BCKDHB: variants seen among roughly 807,000 people sequenced by gnomAD.
BCKDHB encodes 2-oxoisovalerate dehydrogenase subunit beta, mitochondrial.
A neutral mutation model predicts 48.5 loss-of-function variants in BCKDHB; 41 were observed. The observed-to-expected ratio is 0.85, with a 90% CI of 0.66 to 1.10. BCKDHB has a LOEUF of 1.10. Ranked by LOEUF, BCKDHB falls within the 50% of genes least tolerant of loss-of-function variation. The pLI is 0.00. For missense variants in BCKDHB, 496 were observed against 494.2 expected (o/e 1.00, Z -0.03); for synonymous variants, 201 against 174.8 (o/e 1.15, Z -1.18).
the BCKDHB span, among the ~76,000 whole-genome samples, chr6:80,383,947 C>T: frequency 6.6e-6 from 1 of 152,082 alleles, no homozygotes; most frequent in Admixed American, 6.6e-5. Flanking sequence ...GATATTTTAT[C>T]TGCCAATACT....
the BCKDHB span, among the ~76,000 whole-genome samples, chr6:80,444,564 G>A: frequency 6.6e-6 from 1 of 152,044 alleles, no homozygotes; most frequent in Non-Finnish European, 1.5e-5. Flanking sequence ...TCTTATATTA[G>A]TCAAAAGCAC....
chr6:80,383,942 T>C, the BCKDHB span, among the ~76,000 whole-genome samples: 1 of 152,234 alleles, frequency 6.6e-6, no homozygotes, highest in South Asian at 2.1e-4. Flanking sequence ...AAAATGATAT[T>C]TTATCTGCCA....
intron 3 of BCKDHB, among the ~76,000 whole-genome samples, chr6:80,137,557 T>G (rs146892276): frequency 4.3e-4 from 66 of 152,234 alleles, no homozygotes; most frequent in African/African-American, 1.6e-3. Context: ...CAAATACCAT[T>G]TAAGAAAATA....
the BCKDHB span, among the ~76,000 whole-genome samples, chr6:80,421,823 C>T: frequency 2.6e-5 from 4 of 152,110 alleles, no homozygotes; most frequent in Admixed American, 2.6e-4. Context: ...TGGTCATATG[C>T]ATTCACAAAG....
intron 6 of BCKDHB, among the ~76,000 whole-genome samples, chr6:80,193,233 T>C (rs1273668889): frequency 1.3e-5 from 2 of 152,160 alleles, no homozygotes; most frequent in African/African-American, 4.8e-5. Flanking sequence ...TTAGACTGCA[T>C]TTGAGTTTAA....
the BCKDHB span, among the ~76,000 whole-genome samples, chr6:80,456,884 G>T: frequency 6.6e-6 from 1 of 152,314 alleles, no homozygotes; most frequent in Admixed American, 6.5e-5. Context: ...TACATCTTCC[G>T]TCTTGATCCT....
At chr6:80,428,866 A>G in the BCKDHB span, among the ~76,000 whole-genome samples, 1 of 152,102 alleles carries the variant, frequency 6.6e-6, no homozygotes, top group Non-Finnish European at 1.5e-5. Flanking sequence ...GCAGAAGCTC[A>G]TTAGTTCAAT....
At chr6:80,137,448 G>C (rs2127737179) in intron 3 of BCKDHB, among the ~76,000 whole-genome samples, 1 of 152,246 alleles carries the variant, frequency 6.6e-6, no homozygotes, top group Non-Finnish European at 1.5e-5. Flanking sequence ...GAGTGTGGTG[G>C]TACAATCATA....
At chr6:80,409,876 C>T in the BCKDHB span, among the ~76,000 whole-genome samples, 1 of 151,656 alleles carries the variant, frequency 6.6e-6, no homozygotes, top group Non-Finnish European at 1.5e-5. Flanking sequence ...ATTCTTTATC[C>T]AATTTGCCAG....
At chr6:80,244,488 C>T (rs1232131185) in intron 8 of BCKDHB, among the ~76,000 whole-genome samples, 2 of 152,024 alleles carry the variant, frequency 1.3e-5, no homozygotes, top group South Asian at 2.1e-4. Context: ...TTAAAATTAC[C>T]CTTAAAGTAA....
chr6:80,404,330 C>T, the BCKDHB span, among the ~76,000 whole-genome samples: 1 of 151,872 alleles, frequency 6.6e-6, no homozygotes, highest in Non-Finnish European at 1.5e-5. Flanking sequence ...TAAGAATGAT[C>T]CATCTCTTCT....
chr6:80,198,499 T>C (rs1774235437), intron 6 of BCKDHB, among the ~76,000 whole-genome samples: 1 of 152,322 alleles, frequency 6.6e-6, no homozygotes, highest in African/African-American at 2.4e-5. Context: ...TCACTGACAC[T>C]GATTATATAA....
chr6:80,192,900 C>T (rs1254771068), intron 6 of BCKDHB, among the ~76,000 whole-genome samples: 1 of 151,146 alleles, frequency 6.6e-6, no homozygotes, highest in Non-Finnish European at 1.5e-5. Flanking sequence ...CTCACTGCAA[C>T]CTCCATCTCC....
At chr6:80,423,067 G>A in the BCKDHB span, among the ~76,000 whole-genome samples, 6 of 152,134 alleles carry the variant, frequency 3.9e-5, no homozygotes, top group East Asian at 5.8e-4. Flanking sequence ...CCCACATGTC[G>A]AGGGAGAGAC....
At chr6:80,147,175 C>T (rs1389458116) in intron 3 of BCKDHB, among the ~76,000 whole-genome samples, 6 of 152,134 alleles carry the variant, frequency 3.9e-5, no homozygotes, top group Non-Finnish European at 7.4e-5. Flanking sequence ...TCTTATCCCA[C>T]TTTGCAGATA....
chr6:80,368,884 G>A, the BCKDHB span, among the ~76,000 whole-genome samples: 1 of 151,838 alleles, frequency 6.6e-6, no homozygotes, highest in Non-Finnish European at 1.5e-5. Context: ...GTGGTGGCTC[G>A]TGCCTGTAGT....
intron 8 of BCKDHB, among the ~76,000 whole-genome samples, chr6:80,233,206 C>T (rs1013285886): frequency 3.3e-5 from 5 of 151,978 alleles, no homozygotes; most frequent in African/African-American, 1.2e-4. Flanking sequence ...CCTAAAATGT[C>T]CTAATTCCAG....
At chr6:80,290,457 C>G (rs1010556410) in intron 9 of BCKDHB, among the ~76,000 whole-genome samples, 5 of 152,194 alleles carry the variant, frequency 3.3e-5, no homozygotes, top group South Asian at 2.1e-4. Context: ...GTCTCTCCCC[C>G]GCCCACTGCG....
intron 4 of BCKDHB, among the ~76,000 whole-genome samples, chr6:80,168,339 G>C (rs1044320333): frequency 1.3e-5 from 2 of 149,590 alleles, no homozygotes; most frequent in Non-Finnish European, 3.0e-5. Flanking sequence ...AGGGAAGAAG[G>C]GAGAGGGGAG....
Sources: allele counts gnomAD v4.1 joint callset (sites outside exome capture counted in the v4.1 genomes callset), GRCh38; gene constraint gnomAD v4.1.1; transcripts MANE v1.5; gene names NCBI Gene and HGNC (gene_info 2026-07-23, HGNC 2026-07-21).